The following AJAP1 variants were observed in gnomAD, a reference collection of about 807,000 sequenced individuals.
AJAP1 encodes adherens junction-associated protein 1.
AJAP1 carries 5 observed loss-of-function variants against 35.0 expected under a neutral mutation model. That is an observed-to-expected ratio of 0.14 (90% CI 0.07 to 0.30). The LOEUF is 0.30. Among genes scored for constraint, AJAP1 ranks in the 10% least tolerant of loss-of-function variants. AJAP1 has a pLI of 1.00. For missense variants in AJAP1, 586 were observed against 571.0 expected (o/e 1.03, Z -0.27); for synonymous variants, 284 against 249.3 (o/e 1.14, Z -1.31).
At chr1:4,764,756 A>G (rs1227376749) in intron 2 of AJAP1, among the ~76,000 whole-genome samples, 2 of 152,204 alleles carry the variant, frequency 1.3e-5, no homozygotes, top group African/African-American at 4.8e-5. Flanking sequence ...GGCCAATTCC[A>G]GGACCATCAC....
rs1466571649 is a variant in AJAP1, at chr1:4,767,376, C to T, written c.830-2477C>T. 2.0e-5 allele frequency among the ~76,000 whole-genome samples: 3 copies of T among 152,030 alleles called. No individual in the cohort carries two copies. The East Asian group carries it at 5.8e-4, about 29-fold the overall frequency. ...TCACCATCACCATTATTACCATCGT[C>T]ACCATCACCACCACCATCATCATCG... On this transcript the variant is annotated intron_variant, in intron 2 of 5. Coordinates refer to ENST00000378191, the MANE Select transcript of AJAP1 (RefSeq NM_018836.4).
rs1557655944 is a variant in AJAP1 at position 4,787,910 on chromosome 1, G to A, written c.*5425G>A. The A allele has an allele frequency of 2.9e-6, 1 of 344,994 alleles. No individual in the cohort carries two copies. Among genetic ancestry groups the A allele is most frequent in the Non-Finnish European group, 5.9e-6 (1 of 170,730 alleles). 21.4% of individuals were successfully genotyped at this position (344,994 alleles called of 1,614,324 possible). A position where few individuals can be genotyped will look rare whatever the true frequency, so the allele number is the denominator to read the frequency against. On this transcript the variant is annotated 3_prime_UTR_variant, in exon 6 of 6. Coordinates refer to ENST00000378191, the MANE Select transcript of AJAP1 (RefSeq NM_018836.4). ...TTAAACAGCATCTGCTTTTAAGTAA[G>A]CAGCTATTCCAAAACATGCCGTGAT...
intron 2 of AJAP1, among the ~76,000 whole-genome samples, chr1:4,737,881 G>A (rs1269468554): frequency 6.6e-6 from 1 of 152,086 alleles, no homozygotes; most frequent in Admixed American, 6.5e-5. Context: ...CAGCCTGGGC[G>A]ACAGAGCGAG....
At chr1:4,728,223 G>A (rs1640714427) in intron 2 of AJAP1, among the ~76,000 whole-genome samples, 1 of 152,200 alleles carries the variant, frequency 6.6e-6, no homozygotes, top group Non-Finnish European at 1.5e-5. Flanking sequence ...CGTGGGCAGG[G>A]GGTCTGAGTC....
chr1:4,739,147 A>G (rs1640998675), intron 2 of AJAP1, among the ~76,000 whole-genome samples: 1 of 152,192 alleles, frequency 6.6e-6, no homozygotes, highest in African/African-American at 2.4e-5. Context: ...CCACTCAAAC[A>G]CATGTGGGAG....
chr1:4,779,856 C>T (rs1407932659), intron 5 of AJAP1, among the ~76,000 whole-genome samples: 1 of 151,850 alleles, frequency 6.6e-6, no homozygotes, highest in African/African-American at 2.4e-5. Flanking sequence ...TAAAATTTAC[C>T]GTTTTAGGCC....
chr1:4,779,049 G>A (rs1212381997), intron 5 of AJAP1, among the ~76,000 whole-genome samples: 5 of 152,180 alleles, frequency 3.3e-5, no homozygotes, highest in Non-Finnish European at 7.3e-5. Context: ...GATGCAGATG[G>A]TCCCATACCG....
intron 1 of AJAP1, among the ~76,000 whole-genome samples, chr1:4,665,698 G>A (rs2100509244): frequency 6.6e-6 from 1 of 152,272 alleles, no homozygotes; most frequent in African/African-American, 2.4e-5. Context: ...GGTTTGTCCT[G>A]GGACAGGCTG....
chr1:4,684,870 G>T (rs1639571396), intron 1 of AJAP1, among the ~76,000 whole-genome samples: 1 of 152,122 alleles, frequency 6.6e-6, no homozygotes, highest in African/African-American at 2.4e-5. Context: ...CTGTCAAAGG[G>T]GCCACAAGGA....
chr1:4,718,893 G>A (rs1397100657), intron 2 of AJAP1, among the ~76,000 whole-genome samples: 1 of 152,136 alleles, frequency 6.6e-6, no homozygotes, highest in East Asian at 1.9e-4. Context: ...GCAAGAAGAG[G>A]AAGGCCTTAA....
Position 4,723,938 on chromosome 1 carries a change from G to A in AJAP1, c.829+11239G>A, listed in dbSNP as rs1640586073. On this transcript the variant is annotated intron_variant, in intron 2 of 5. Coordinates refer to ENST00000378191, the MANE Select transcript of AJAP1 (RefSeq NM_018836.4). This position sits in a 1 kb window ranked among gnomAD's most constrained non-coding sequence, Gnocchi z 4.3. ...TAAGGGATGAGAACCAGCCTGATGT[G>A]TGCTGTTGGCTGAGCTCGCTATAGA... Among the ~76,000 whole-genome samples the A allele has an allele frequency of 6.6e-6, 1 of 152,182 alleles. No homozygotes were observed. Among genetic ancestry groups the A allele is most frequent in the Non-Finnish European group, 1.5e-5 (1 of 68,038 alleles).
chr1:4,740,363 GGGGGAT>G (rs1553159516), intron 2 of AJAP1, among the ~76,000 whole-genome samples: 48 of 122,930 alleles, frequency 3.9e-4, no homozygotes, highest in East Asian at 6.3e-4. Context: ...GCCTGGGGGA[GGGGGAT>G]GGGGAGTGAG....
intron 4 of AJAP1, 45 bp from the exon 5 acceptor site, chr1:4,774,382 G>C (rs1476548624): frequency 1.3e-6 from 2 of 1,579,782 alleles, no homozygotes; most frequent in Non-Finnish European, 1.7e-6. Context: ...CATGTGTCAT[G>C]GTCAAGTACC....
At position 4,654,916 on chromosome 1, in the gene AJAP1, C is replaced by G. The variant is rs1487697823; in HGVS notation, c.-510C>G. The G allele has an allele frequency of 6.7e-6, 1 of 149,694 alleles. No individual in the cohort carries two copies. The highest frequency in any genetic ancestry group is 2.0e-4 in the East Asian group (1 of 5,084). 9.3% of individuals were successfully genotyped at this position (149,694 alleles called of 1,614,324 possible). Reference sequence around the variant, plus strand: ...GACCCGGCAGCGCGGAGGGGACTCGCGTCCGTCCGCGTCGCGTCACCCCAA... The same window carrying G: ...GACCCGGCAGCGCGGAGGGGACTCGGGTCCGTCCGCGTCGCGTCACCCCAA... On this transcript the variant is annotated 5_prime_UTR_variant, in exon 1 of 6. Transcript: ENST00000378191. The surrounding 1 kb of genome is among the most constrained non-coding windows in gnomAD (Gnocchi z 5.1).
rs1316062369 is a variant in AJAP1 at position 4,784,480 on chromosome 1, A to ACTGC, written c.*1997_*2000dup. The stretch of plus-strand genomic sequence containing the variant: ...AAAGATCAGACAGACAGCTGACCTT[A>ACTGC]CTGCCCTCAATGGCCAGGCTGATGA... On this transcript the variant is annotated 3_prime_UTR_variant, in exon 6 of 6. Coordinates refer to ENST00000378191, the MANE Select transcript of AJAP1 (RefSeq NM_018836.4). 1 of 152,238 alleles carries ACTGC rather than the reference A, an allele frequency of 6.6e-6. No individual in the cohort carries two copies. The highest frequency in any genetic ancestry group is 1.5e-5 in the Non-Finnish European group (1 of 68,048). The allele number at this position is 152,238 out of a possible 1,614,324, so 9.4% of individuals were successfully genotyped here. A position where few individuals can be genotyped will look rare whatever the true frequency, so the allele number is the denominator to read the frequency against.
chr1:4,660,398 T>A (rs1275849799), intron 1 of AJAP1, among the ~76,000 whole-genome samples: 1 of 152,126 alleles, frequency 6.6e-6, no homozygotes, highest in African/African-American at 2.4e-5. Context: ...AAACGTTCTC[T>A]ATCTTGACTA....
intron 1 of AJAP1, among the ~76,000 whole-genome samples, chr1:4,696,156 G>C (rs573448329): frequency 3.9e-4 from 59 of 151,000 alleles, no homozygotes; most frequent in Middle Eastern, 3.4e-3. Flanking sequence ...TGGGTTGAGG[G>C]GGGGAGCAGG....
chr1:4,742,885 C>T (rs1224927095), intron 2 of AJAP1, among the ~76,000 whole-genome samples: 1 of 150,542 alleles, frequency 6.6e-6, no homozygotes, highest in Admixed American at 6.6e-5. Context: ...TTGGGTGACC[C>T]CTCCTGGTGG....
intron 1 of AJAP1, among the ~76,000 whole-genome samples, chr1:4,674,481 T>C (rs1238699883): frequency 1.3e-5 from 2 of 152,234 alleles, no homozygotes; most frequent in Non-Finnish European, 2.9e-5. Context: ...GCCTAAAACA[T>C]TTTCTGTCTG....
Sources: gnomAD v4.1 joint callset for allele counts (sites outside exome capture counted in the v4.1 genomes callset) on GRCh38, gnomAD v4.1.1 for gene constraint, Gnocchi (gnomAD v3.1) non-coding constraint, MANE v1.5 for transcripts, NCBI Gene and HGNC (gene_info 2026-07-23, HGNC 2026-07-21) for gene names.